KCNH1: variants seen among roughly 807,000 people sequenced by gnomAD.
KCNH1 encodes voltage-gated delayed rectifier potassium channel KCNH1.
In KCNH1, 27 loss-of-function variants were observed where a neutral mutation model predicts 69.2. The observed-to-expected ratio is 0.39, with a 90% CI of 0.29 to 0.54. The LOEUF (loss-of-function observed/expected upper bound fraction) is 0.54, where lower values mean the gene tolerates loss of function less well. Ranked by LOEUF, KCNH1 falls within the 20% of genes least tolerant of loss-of-function variation. The pLI is 0.68. For missense variants in KCNH1, 798 were observed against 1,261.6 expected (o/e 0.63, Z 5.57); for synonymous variants, 456 against 487.7 (o/e 0.93, Z 0.86).
chr1:210,799,475 A>G (rs1338033440), intron 8 of KCNH1, among the ~76,000 whole-genome samples: 1 of 152,202 alleles, frequency 6.6e-6, no homozygotes, highest in Non-Finnish European at 1.5e-5. Flanking sequence ...TGCAGATCTC[A>G]TCTTCTGAAA....
intron 10 of KCNH1, among the ~76,000 whole-genome samples, chr1:210,752,306 T>C (rs1457818710): frequency 1.3e-5 from 2 of 152,182 alleles, no homozygotes; most frequent in African/African-American, 4.8e-5. Context: ...TCCTTGGGTA[T>C]CACTTACCAC....
intron 9 of KCNH1, among the ~76,000 whole-genome samples, chr1:210,789,970 A>G (rs902290590): frequency 1.3e-5 from 2 of 152,198 alleles, no homozygotes; most frequent in African/African-American, 4.8e-5. Flanking sequence ...AGCTATTCAC[A>G]GGTGTGATCA....
intron 6 of KCNH1, among the ~76,000 whole-genome samples, chr1:210,937,075 C>T (rs1488739280): frequency 6.6e-6 from 1 of 152,156 alleles, no homozygotes; most frequent in African/African-American, 2.4e-5. Flanking sequence ...TTGCTCCCTG[C>T]CCTCCTGCCA....
chr1:210,876,084 T>G (rs1196028533), intron 7 of KCNH1, among the ~76,000 whole-genome samples: 1 of 152,140 alleles, frequency 6.6e-6, no homozygotes, highest in African/African-American at 2.4e-5. Flanking sequence ...TTTGGGAAGG[T>G]TGCAAGCAAA....
chr1:210,922,719 C>T (rs1687490868), intron 6 of KCNH1, among the ~76,000 whole-genome samples: 1 of 152,288 alleles, frequency 6.6e-6, no homozygotes, highest in East Asian at 1.9e-4. Context: ...AAATGGATAT[C>T]CTCTCTTCAT....
intron 5 of KCNH1, among the ~76,000 whole-genome samples, chr1:211,061,318 C>T (rs2102449927): frequency 6.6e-6 from 1 of 152,020 alleles, no homozygotes; most frequent in African/African-American, 2.4e-5. Flanking sequence ...TATATCAACA[C>T]AATAAAAGCC....
At chr1:210,854,282 T>C (rs947829013) in intron 7 of KCNH1, among the ~76,000 whole-genome samples, 3 of 152,148 alleles carry the variant, frequency 2.0e-5, no homozygotes, top group Non-Finnish European at 4.4e-5. Flanking sequence ...ATAACAAAAA[T>C]AGAAGGGGTA....
intron 6 of KCNH1, among the ~76,000 whole-genome samples, chr1:211,004,399 T>C (rs1689241127): frequency 6.6e-6 from 1 of 152,040 alleles, no homozygotes; most frequent in African/African-American, 2.4e-5. Flanking sequence ...TAATAACATA[T>C]AAGAAAGTAA....
intron 10 of KCNH1, among the ~76,000 whole-genome samples, chr1:210,764,477 A>G (rs1457185907): frequency 4.6e-5 from 7 of 152,246 alleles, no homozygotes; most frequent in Non-Finnish European, 7.3e-5. Context: ...CATCTGATAA[A>G]GAACTAATAT....
Position 210,683,125 on chromosome 1 carries a change from A to G in KCNH1, c.*156T>C, listed in dbSNP as rs1681312432. ...CGCTACCCTTCCCATATCTTTTTCCAGATAGAGAAAGAGCACGTCTAAGCC... is the reference window on the plus strand; with the variant it reads ...CGCTACCCTTCCCATATCTTTTTCCGGATAGAGAAAGAGCACGTCTAAGCC... On this transcript the variant is annotated 3_prime_UTR_variant, in exon 11 of 11. Coordinates refer to ENST00000271751, the MANE Select transcript of KCNH1 (RefSeq NM_172362.3). This position sits in a 1 kb window ranked among gnomAD's most constrained non-coding sequence, Gnocchi z 5.7. The G allele has an allele frequency of 2.3e-5, 17 of 743,870 alleles. No individual in the cohort carries two copies. In the South Asian group the frequency reaches 3.0e-4, roughly 13 times the overall value. The allele number at this position is 743,870 out of a possible 1,614,324, so 46.1% of individuals were successfully genotyped here. A position where few individuals can be genotyped will look rare whatever the true frequency, so the allele number is the denominator to read the frequency against.
chr1:210,822,428 T>C (rs1684948349), intron 7 of KCNH1, among the ~76,000 whole-genome samples: 1 of 152,262 alleles, frequency 6.6e-6, no homozygotes, highest in Non-Finnish European at 1.5e-5. Context: ...TTAAATATAA[T>C]GAGAGTACAG....
chr1:210,797,236 A>G lies in KCNH1; in HGVS notation c.1915+272T>C, dbSNP rs1001966745. On this transcript the variant is annotated intron_variant, in intron 9 of 10. Coordinates refer to ENST00000271751, the MANE Select transcript of KCNH1 (RefSeq NM_172362.3). ...AGATGTGCCTCCCACTGTACTGCAA[A>G]TGTCTGCTTATTTGTTCATCTCCTA... 2.5e-4 allele frequency among the ~76,000 whole-genome samples: 38 copies of G among 152,216 alleles called. 1 individual carries two copies. The highest frequency in any genetic ancestry group is 8.9e-4 in the African/African-American group (37 of 41,540).
At chr1:210,716,752 G>A (rs960077095) in intron 10 of KCNH1, among the ~76,000 whole-genome samples, 9 of 152,124 alleles carry the variant, frequency 5.9e-5, no homozygotes, top group Admixed American at 1.3e-4. Flanking sequence ...CAGGCTTCTC[G>A]AGGAGGCTTG....
chr1:210,809,235 T>G (rs1397474344), intron 7 of KCNH1, among the ~76,000 whole-genome samples: 1 of 152,154 alleles, frequency 6.6e-6, no homozygotes, highest in African/African-American at 2.4e-5. Flanking sequence ...TTTTCTTAAA[T>G]TTTTCCTGGA....
chr1:210,994,552 C>T (rs1486188057), intron 6 of KCNH1, among the ~76,000 whole-genome samples: 1 of 152,186 alleles, frequency 6.6e-6, no homozygotes, highest in Admixed American at 6.5e-5. Context: ...GATAGGCCCC[C>T]TTCTAAGTTC....
rs1166478752 is a variant in KCNH1 at position 211,054,706 on chromosome 1, T to C, written c.558+28074A>G. On this transcript the variant is annotated intron_variant, in intron 5 of 10. Coordinates refer to ENST00000271751, the MANE Select transcript of KCNH1 (RefSeq NM_172362.3). Reference sequence around the variant, plus strand: ...GCTAGAAGCAGTTAAAGTTATTAGCTTCAAAATGAGTATATGCTGTTAAAA... The same window carrying C: ...GCTAGAAGCAGTTAAAGTTATTAGCCTCAAAATGAGTATATGCTGTTAAAA... Among the ~76,000 whole-genome samples, 6 of 152,168 alleles carry C rather than the reference T, an allele frequency of 3.9e-5. No individual in the cohort carries two copies. In the East Asian group the frequency reaches 1.2e-3, roughly 29 times the overall value.
At chr1:211,049,680 G>C (rs111699967) in intron 5 of KCNH1, among the ~76,000 whole-genome samples, 1 of 152,332 alleles carries the variant, frequency 6.6e-6, no homozygotes, top group Non-Finnish European at 1.5e-5. Context: ...GAAGGGGCCA[G>C]TATGGAGGCA....
intron 6 of KCNH1, among the ~76,000 whole-genome samples, chr1:210,921,870 A>T (rs1279703026): frequency 6.6e-6 from 1 of 152,180 alleles, no homozygotes; most frequent in East Asian, 1.9e-4. Flanking sequence ...TGTGAATGAG[A>T]AAGAAACCTC....
chr1:210,736,067 T>C (rs1056919479), intron 10 of KCNH1, among the ~76,000 whole-genome samples: 1 of 152,242 alleles, frequency 6.6e-6, no homozygotes, highest in Non-Finnish European at 1.5e-5. Flanking sequence ...TAGGGTCTCA[T>C]TAAGTTGCCC....
Sources: gnomAD v4.1 joint callset for allele counts (sites outside exome capture counted in the v4.1 genomes callset) on GRCh38, gnomAD v4.1.1 for gene constraint, Gnocchi (gnomAD v3.1) non-coding constraint, MANE v1.5 for transcripts, NCBI Gene and HGNC (gene_info 2026-07-23, HGNC 2026-07-21) for gene names.